NRXN3: variants seen among roughly 807,000 people sequenced by gnomAD.
NRXN3 encodes the protein neurexin III.
A neutral mutation model predicts 137.6 loss-of-function variants in NRXN3; 32 were observed. That is an observed-to-expected ratio of 0.23 (90% CI 0.18 to 0.31). NRXN3 has a LOEUF of 0.31. NRXN3 is among the 10% of genes least tolerant of loss of function. The pLI, the probability that NRXN3 is intolerant of heterozygous loss-of-function variation, is 1.00. For synonymous variants in NRXN3, 798 were observed against 784.5 expected, an observed-to-expected ratio of 1.02 and a Z score of -0.29; for missense variants, 1,574 against 2,062.5, an observed-to-expected ratio of 0.76 and a Z score of 4.59.
intron 16 of NRXN3, among the ~76,000 whole-genome samples, chr14:79,537,233 A>G (rs2097220066): frequency 6.6e-6 from 1 of 150,418 alleles, no homozygotes; most frequent in Admixed American, 6.6e-5. Context: ...GCTTTTTTTC[A>G]TGTTTGTCGG....
Position 79,383,227 on chromosome 14 carries a change from T to C in NRXN3, c.3263-83994T>C, listed in dbSNP as rs75035324. Among the ~76,000 whole-genome samples the C allele has an allele frequency of 5.7e-3, 865 of 152,092 alleles. 8 individuals are homozygous for C. Among genetic ancestry groups the C allele is most frequent in the African/African-American group, 0.02 (845 of 41,516 alleles). On this transcript the variant is annotated intron_variant, in intron 15 of 20. Transcript: ENST00000335750. ...TGGGGTGTAGGGAAATATAAATAGA[T>C]TGGCACTGTGGAAGTCAGCATATGT...
intron 10 of NRXN3, among the ~76,000 whole-genome samples, chr14:78,874,043 C>T (rs2099107808): frequency 6.6e-6 from 1 of 151,102 alleles, no homozygotes; most frequent in Non-Finnish European, 1.5e-5. Context: ...ACGATCTCAG[C>T]TCACTGCAAC....
chr14:78,849,072 A>G (rs991698034), intron 10 of NRXN3, among the ~76,000 whole-genome samples: 2 of 152,116 alleles, frequency 1.3e-5, no homozygotes, highest in East Asian at 1.9e-4. Flanking sequence ...GTGGTTTAAT[A>G]TCAATTGAAT....
At chr14:78,897,958 C>T (rs2099182956) in intron 10 of NRXN3, among the ~76,000 whole-genome samples, 1 of 151,916 alleles carries the variant, frequency 6.6e-6, no homozygotes, top group African/African-American at 2.4e-5. Context: ...GCATTTATCT[C>T]ACATCATGTA....
chr14:79,472,212 C>T (rs1196089852), intron 16 of NRXN3, among the ~76,000 whole-genome samples: 1 of 152,246 alleles, frequency 6.6e-6, no homozygotes, highest in South Asian at 2.1e-4. Flanking sequence ...TTTTCTATTT[C>T]ATGATTTGCT....
Position 78,523,816 on chromosome 14 carries a change from CAAAAAAAAAAAAAAA to C in NRXN3, c.758-121289_758-121275del, listed in dbSNP as rs56083130. ...TGGGTGACAGAGCAAGACTCTGTCTCAAAAAAAAAAAAAAAAAAAAAAAAAAAAAGAATACAAGAG... is the reference window on the plus strand; with the variant it reads ...TGGGTGACAGAGCAAGACTCTGTCTCAAAAAAAAAAAAAAGAATACAAGAG... On this transcript the variant is annotated intron_variant, in intron 4 of 20. Coordinates refer to ENST00000335750, the MANE Select transcript of NRXN3 (RefSeq NM_001330195.2). 6.8e-3 allele frequency among the ~76,000 whole-genome samples: 416 copies of C among 61,582 alleles called. 5 individuals carry two copies. The highest frequency in any genetic ancestry group is 7.8e-3 in the Non-Finnish European group (296 of 38,008). 40.4% of individuals were successfully genotyped at this position (61,582 alleles called of 152,430 possible).
intron 15 of NRXN3, among the ~76,000 whole-genome samples, chr14:79,333,896 T>G (rs965439162): frequency 6.6e-6 from 1 of 152,192 alleles, no homozygotes; most frequent in East Asian, 1.9e-4. Context: ...AATCTCTTCA[T>G]GTTGCCATCT....
At chr14:79,099,517 A>G (rs1286142833) in intron 15 of NRXN3, among the ~76,000 whole-genome samples, 2 of 152,196 alleles carry the variant, frequency 1.3e-5, no homozygotes, top group African/African-American at 4.8e-5. Flanking sequence ...ATAAGGGAGT[A>G]TATTTTTAAA....
intron 4 of NRXN3, among the ~76,000 whole-genome samples, chr14:78,594,362 G>A (rs537870913): frequency 6.6e-6 from 1 of 152,332 alleles, no homozygotes; most frequent in East Asian, 1.9e-4. Flanking sequence ...GAGTTGTCAT[G>A]TCTGTTCTCT....
chr14:79,787,471 C>T (rs2099132625), intron 19 of NRXN3, among the ~76,000 whole-genome samples: 1 of 152,056 alleles, frequency 6.6e-6, no homozygotes, highest in African/African-American at 2.4e-5. Context: ...CTCTAGTCAC[C>T]ATGCTGTGTA....
chr14:78,954,648 G>C (rs1384018629), intron 10 of NRXN3, among the ~76,000 whole-genome samples: 1 of 151,608 alleles, frequency 6.6e-6, no homozygotes, highest in African/African-American at 2.4e-5. Context: ...TGTATTTTTA[G>C]TAGAGACGGG....
chr14:78,747,776 C>T (rs1473131271), intron 8 of NRXN3, among the ~76,000 whole-genome samples: 1 of 152,192 alleles, frequency 6.6e-6, no homozygotes, highest in African/African-American at 2.4e-5. Context: ...CCTCTCTTAA[C>T]TAACTTGTAG....
intron 3 of NRXN3, among the ~76,000 whole-genome samples, chr14:78,294,957 T>C (rs2076172772): frequency 6.6e-6 from 1 of 152,218 alleles, no homozygotes; most frequent in Non-Finnish European, 1.5e-5. Flanking sequence ...ATTGTTTGGA[T>C]GATTGGTTGT....
At chr14:79,105,428 G>A (rs1230042568) in intron 15 of NRXN3, among the ~76,000 whole-genome samples, 1 of 152,002 alleles carries the variant, frequency 6.6e-6, no homozygotes, top group African/African-American at 2.4e-5. Context: ...CAAAATATCT[G>A]GGCTAAAGAA....
chr14:78,805,343 T>C (rs556187093), intron 9 of NRXN3, among the ~76,000 whole-genome samples: 2 of 152,050 alleles, frequency 1.3e-5, no homozygotes, highest in Admixed American at 1.3e-4. Flanking sequence ...CGTGTGTTCC[T>C]GAGTTTCCAA....
chr14:79,452,902 G>A (rs974706975), intron 15 of NRXN3, among the ~76,000 whole-genome samples: 2 of 152,116 alleles, frequency 1.3e-5, no homozygotes, highest in African/African-American at 4.8e-5. Context: ...GTTTTTAAAA[G>A]TATAAACTAA....
chr14:78,762,287 T>C (rs1398440892), intron 8 of NRXN3, among the ~76,000 whole-genome samples: 5 of 152,224 alleles, frequency 3.3e-5, no homozygotes, highest in Non-Finnish European at 7.3e-5. Context: ...AGTGTACTAC[T>C]ATTCACTCAT....
chr14:79,739,307 G>A (rs2154078116), intron 19 of NRXN3, among the ~76,000 whole-genome samples: 1 of 152,218 alleles, frequency 6.6e-6, no homozygotes, highest in Admixed American at 6.5e-5. Context: ...ACCTGAGAAA[G>A]TCAAGAAAAT....
chr14:79,443,725 C>T (rs978157230), intron 15 of NRXN3, among the ~76,000 whole-genome samples: 1 of 152,166 alleles, frequency 6.6e-6, no homozygotes, highest in African/African-American at 2.4e-5. Context: ...GGGTCCTGTC[C>T]TATTTATTAT....
Sources: gnomAD v4.1 joint callset for allele counts (sites outside exome capture counted in the v4.1 genomes callset) on GRCh38, gnomAD v4.1.1 for gene constraint, MANE v1.5 for transcripts, NCBI Gene and HGNC (gene_info 2026-07-23, HGNC 2026-07-21) for gene names.